EMID1: variants seen among roughly 807,000 people sequenced by gnomAD.
The protein encoded by EMID1 is EMI domain containing 1.
Under a neutral mutation model 60.6 loss-of-function variants are expected in EMID1, and 40 were observed. The observed-to-expected ratio is 0.66, with a 90% CI of 0.51 to 0.86. The LOEUF (loss-of-function observed/expected upper bound fraction) is 0.86. Among genes scored for constraint, EMID1 ranks in the 40% least tolerant of loss-of-function variants. EMID1 has a pLI of 0.00. For missense variants in EMID1, 585 were observed against 597.1 expected, an observed-to-expected ratio of 0.98 and a Z score of 0.21; for synonymous variants, 242 against 231.0, an observed-to-expected ratio of 1.05 and a Z score of -0.43.
chr22:29,241,376 G>A (rs2041147497), intron 12 of EMID1, among the ~76,000 whole-genome samples: 1 of 152,084 alleles, frequency 6.6e-6, no homozygotes, highest in Non-Finnish European at 1.5e-5. Context: ...TGTTAAGATG[G>A]AATGATAACT....
intron 13 of EMID1, among the ~76,000 whole-genome samples, chr22:29,251,438 G>A (rs1202080958): frequency 6.7e-6 from 1 of 149,902 alleles, no homozygotes; most frequent in African/African-American, 2.5e-5. Context: ...CTAGGCTCAA[G>A]TGATCCTCCC....
At chr22:29,254,975 C>T (rs368222024) in intron 14 of EMID1, among the ~76,000 whole-genome samples, 15 of 152,316 alleles carry the variant, frequency 9.8e-5, no homozygotes, top group Middle Eastern at 3.4e-3. Context: ...GCAGTTTTCC[C>T]TTTGGTCCTC....
chr22:29,216,662 C>G, intron 3 of EMID1: 1 of 985,372 alleles, frequency 1.0e-6, no homozygotes, highest in Non-Finnish European at 1.2e-6. Flanking sequence ...TTGCACACTT[C>G]ACCTCCCGGG....
At chr22:29,238,809 T>G (rs1033565515) in intron 12 of EMID1, among the ~76,000 whole-genome samples, 1 of 140,870 alleles carries the variant, frequency 7.1e-6, no homozygotes, top group Non-Finnish European at 1.5e-5. Flanking sequence ...CCTCTTGCCT[T>G]GGCCTCCCAA....
At chr22:29,215,483 A>G (rs747477461) in intron 2 of EMID1, 44 bp from the exon 3 acceptor site, 1 of 1,580,866 alleles carries the variant, frequency 6.3e-7, no homozygotes, top group South Asian at 1.1e-5. Context: ...GGGAGAGGTC[A>G]TGGAGGACCC....
chr22:29,215,516 G>A lies in EMID1; in HGVS notation c.216-11G>A. 3 of 1,612,996 alleles carry A rather than the reference G, an allele frequency of 1.9e-6. No homozygotes were observed. Among genetic ancestry groups the A allele is most frequent in the Non-Finnish European group, 2.5e-6 (3 of 1,179,058 alleles). ...CCCTGTCTCAGCTGGGCCACCTGGG[G>A]ACTCTTTCAGCTACAGAACTGTGGT... is the stretch of plus-strand genomic sequence containing the variant. On this transcript the variant is annotated splice_polypyrimidine_tract_variant and intron_variant, in intron 2 of 14. Transcript: ENST00000334018.
At chr22:29,235,348 C>CAAA (rs3066718) in intron 12 of EMID1, among the ~76,000 whole-genome samples, 1 of 113,372 alleles carries the variant, frequency 8.8e-6, no homozygotes, top group African/African-American at 3.2e-5. Context: ...GACTTCATCT[C>CAAA]AAAAAAAAAA....
intron 3 of EMID1, among the ~76,000 whole-genome samples, chr22:29,218,785 C>T (rs539776550): frequency 3.3e-5 from 5 of 152,292 alleles, no homozygotes; most frequent in African/African-American, 7.2e-5. Flanking sequence ...TGCAGTAAAC[C>T]CCATGTCACT....
At position 29,234,159 on chromosome 22, in the gene EMID1, C is replaced by A. The variant is rs747192559; in HGVS notation, c.989C>A (p.Pro330His). 6.3e-7 allele frequency: 1 copy of A among 1,598,664 alleles called. No individual in the cohort carries two copies. The highest frequency in any genetic ancestry group is 1.1e-5 in the South Asian group (1 of 88,510). Residue 330 changes from proline to histidine, a missense_variant, in exon 11 of 15, where the codon CCC becomes CAC. By Grantham distance (77) the Pro-to-His change is moderately conservative (BLOSUM62 -2). Coordinates refer to ENST00000334018, the MANE Select transcript of EMID1 (RefSeq NM_133455.4). ...CAGGGACCCCCAGGCCCCACTGGACCCAAAGGAATCTCTGGCCACCCAGGA... is the reference window on the plus strand; with the variant it reads ...CAGGGACCCCCAGGCCCCACTGGACACAAAGGAATCTCTGGCCACCCAGGA... ...GHIGPPGPTG[P>H]KGISGHPGEK...
In EMID1 at chr22:29,215,172, A is replaced by G. The variant is rs912130112; in HGVS notation, c.215+133A>G. On this transcript the variant is annotated intron_variant, in intron 2 of 14. Transcript: ENST00000334018. Reference sequence around the variant, plus strand: ...GGGTGGGCGGAGCAAAGGTAGCATCAGCCGACACCATTCTCAGCCTATCCC... The same window carrying G: ...GGGTGGGCGGAGCAAAGGTAGCATCGGCCGACACCATTCTCAGCCTATCCC... 4 of 1,420,662 alleles carry G rather than the reference A, an allele frequency of 2.8e-6. No individual in the cohort carries two copies. The African/African-American group carries it at 4.3e-5, about 15-fold the overall frequency. 88.0% of individuals were successfully genotyped at this position (1,420,662 alleles called of 1,614,324 possible).
At chr22:29,214,759 T>TC (rs1357008341) in intron 1 of EMID1, among the ~76,000 whole-genome samples, 167 bp from the exon 2 acceptor site, 1 of 151,776 alleles carries the variant, frequency 6.6e-6, no homozygotes, top group Non-Finnish European at 1.5e-5. Flanking sequence ...CCACAGGGAC[T>TC]CCCCCCAGCC....
At chr22:29,227,569 G>A (rs2040560935) in intron 5 of EMID1, among the ~76,000 whole-genome samples, 1 of 151,986 alleles carries the variant, frequency 6.6e-6, no homozygotes, top group Non-Finnish European at 1.5e-5. Context: ...GCCTGGCATG[G>A]TGGCACACAC....
chr22:29,228,516 A>G (rs1354599788), intron 5 of EMID1, among the ~76,000 whole-genome samples: 1 of 152,172 alleles, frequency 6.6e-6, no homozygotes, highest in African/African-American at 2.4e-5. Flanking sequence ...ACACACAGAC[A>G]TGCATACACT....
At chr22:29,239,298 A>G (rs1261563293) in intron 12 of EMID1, among the ~76,000 whole-genome samples, 1 of 120,890 alleles carries the variant, frequency 8.3e-6, no homozygotes, top group Non-Finnish European at 1.7e-5. Context: ...TTTTAAAAAA[A>G]ATTTTTTTTT....
At chr22:29,254,141 G>T in intron 13 of EMID1, 62 bp from the exon 14 acceptor site, 1 of 1,609,264 alleles carries the variant, frequency 6.2e-7, no homozygotes, top group Non-Finnish European at 8.5e-7. Flanking sequence ...GGCCACCGAC[G>T]GGCTTTGCAG....
At chr22:29,256,996 C>G (rs928414820) in intron 14 of EMID1, among the ~76,000 whole-genome samples, 2 of 152,182 alleles carry the variant, frequency 1.3e-5, no homozygotes, top group African/African-American at 4.8e-5. Context: ...GCTCTCAGAA[C>G]CTTTTTAGGT....
At chr22:29,226,794 G>A (rs889145857) in intron 5 of EMID1, among the ~76,000 whole-genome samples, 3 of 152,122 alleles carry the variant, frequency 2.0e-5, no homozygotes, top group Admixed American at 1.3e-4. Context: ...CCTGTCAAGC[G>A]GAGGGGATAC....
At chr22:29,250,573 T>TC (rs1427566092) in intron 13 of EMID1, among the ~76,000 whole-genome samples, 1 of 144,860 alleles carries the variant, frequency 6.9e-6, no homozygotes, top group Non-Finnish European at 1.5e-5. Context: ...TTTTTTTTTC[T>TC]TTTTTTAATT....
At position 29,234,080 on chromosome 22, in the gene EMID1, C is replaced by T. The variant is rs1425925405; in HGVS notation, c.967-57C>T. On this transcript the variant is annotated intron_variant, in intron 10 of 14. Transcript: ENST00000334018. ...CCTCCCCAACACCTCTGTTCCCAAG[C>T]CCCTGCCCACTCCATCCTGCCCCAA... 23 of 1,547,126 alleles carry T rather than the reference C, an allele frequency of 1.5e-5. No individual in the cohort carries two copies. The East Asian group carries it at 4.9e-4, about 33-fold the overall frequency.
Sources: gnomAD v4.1 joint callset for allele counts (sites outside exome capture counted in the v4.1 genomes callset) on GRCh38, gnomAD v4.1.1 for gene constraint, MANE v1.5 for transcripts, NCBI Gene and HGNC (gene_info 2026-07-23, HGNC 2026-07-21) for gene names.